CTNNA3: variants seen among roughly 807,000 people sequenced by gnomAD.
CTNNA3 encodes catenin alpha 3.
Under a neutral mutation model 95.7 loss-of-function variants are expected in CTNNA3, and 76 were observed. That is an observed-to-expected ratio of 0.79 (90% CI 0.66 to 0.96). The LOEUF (loss-of-function observed/expected upper bound fraction) is 0.96, where lower values mean the gene tolerates loss of function less well. CTNNA3 is among the 40% of genes least tolerant of loss of function. The pLI is 0.00. For missense variants in CTNNA3, 1,191 were observed against 1,089.8 expected (o/e 1.09, Z -1.31); for synonymous variants, 431 against 374.4 (o/e 1.15, Z -1.74).
chr10:66,146,220 T>A (rs1015159834), intron 13 of CTNNA3, among the ~76,000 whole-genome samples: 1 of 152,164 alleles, frequency 6.6e-6, no homozygotes, highest in Non-Finnish European at 1.5e-5. Flanking sequence ...AAATTCAAAA[T>A]ACTGGCCCTT....
At chr10:66,402,807 T>C (rs1359096930) in intron 11 of CTNNA3, among the ~76,000 whole-genome samples, 1 of 152,126 alleles carries the variant, frequency 6.6e-6, no homozygotes, top group African/African-American at 2.4e-5. Flanking sequence ...TGTCACTGAG[T>C]TGTCTTTCAG....
chr10:66,461,585 A>T (rs1208964501), intron 11 of CTNNA3, among the ~76,000 whole-genome samples: 1 of 151,454 alleles, frequency 6.6e-6, no homozygotes, highest in Non-Finnish European at 1.5e-5. Flanking sequence ...TTCTTAAGGG[A>T]TTATTAGGTG....
intron 15 of CTNNA3, among the ~76,000 whole-genome samples, chr10:66,064,255 G>T (rs10996872): frequency 0.61 from 93,287 of 151,882 alleles, 28,687 homozygotes; most frequent in East Asian, 0.71. Flanking sequence ...GGAAACTGAC[G>T]CCATGATTCA....
chr10:66,546,312 T>C (rs1271034518), intron 10 of CTNNA3, among the ~76,000 whole-genome samples: 1 of 152,162 alleles, frequency 6.6e-6, no homozygotes, highest in East Asian at 1.9e-4. Flanking sequence ...TGCATGTAAT[T>C]GTCACAGCAT....
chr10:65,920,068 T>C lies in CTNNA3; in HGVS notation c.*262A>G, dbSNP rs74442277. The C allele has an allele frequency of 7.7e-4, 370 of 479,926 alleles. 3 individuals are homozygous for C. In the East Asian group the frequency reaches 0.014, roughly 18 times the overall value. 29.7% of individuals were successfully genotyped at this position (479,926 alleles called of 1,614,324 possible). ...AACGAATAGTAGATAATCTCTATGA[T>C]GGGAAACGCTGAATGACACGTGATA... On this transcript the variant is annotated 3_prime_UTR_variant, in exon 18 of 18. Transcript: ENST00000433211.
At chr10:66,048,604 CA>C (rs1032496079) in intron 15 of CTNNA3, among the ~76,000 whole-genome samples, 35 of 151,838 alleles carry the variant, frequency 2.3e-4, no homozygotes, top group Non-Finnish European at 4.6e-4. Context: ...ACTAAAAATA[CA>C]AAAAAATTAG....
In CTNNA3 at chr10:67,546,076, A is replaced by G. The variant is rs565216943; in HGVS notation, c.293-6407T>C. ...AAACATCTCTTCAGAATTTCAAAGA[A>G]AAATGAAATTTTTTAATTTTCAAAA... is the stretch of plus-strand genomic sequence containing the variant. On this transcript the variant is annotated intron_variant, in intron 3 of 17. Transcript: ENST00000433211. 2.0e-5 allele frequency among the ~76,000 whole-genome samples: 3 copies of G among 152,312 alleles called. No homozygotes were observed. In the East Asian group the frequency reaches 5.8e-4, roughly 29 times the overall value.
intron 7 of CTNNA3, among the ~76,000 whole-genome samples, chr10:66,785,919 G>C (rs143011943): frequency 0.01 from 1,577 of 152,176 alleles, 30 homozygotes; most frequent in African/African-American, 0.035. Context: ...ATTGTTCCAT[G>C]TTTTCAGGTG....
chr10:66,579,563 C>A (rs1467241982), intron 10 of CTNNA3, among the ~76,000 whole-genome samples: 1 of 151,652 alleles, frequency 6.6e-6, no homozygotes, highest in East Asian at 1.9e-4. Context: ...TGTTTTTATC[C>A]ATAGCAAAGC....
intron 12 of CTNNA3, among the ~76,000 whole-genome samples, chr10:66,375,407 C>A (rs2092789046): frequency 6.6e-6 from 1 of 151,988 alleles, no homozygotes; most frequent in Non-Finnish European, 1.5e-5. Context: ...TAAGCTCCAG[C>A]CAATTCCCGT....
At chr10:66,098,178 T>C (rs1480891868) in intron 14 of CTNNA3, 1 of 152,178 alleles carries the variant, frequency 6.6e-6, no homozygotes, top group African/African-American at 2.4e-5. Context: ...TGGTCTTCAG[T>C]TTAACAAACC....
At chr10:66,591,848 A>G (rs1843562349) in intron 10 of CTNNA3, among the ~76,000 whole-genome samples, 1 of 152,090 alleles carries the variant, frequency 6.6e-6, no homozygotes, top group Non-Finnish European at 1.5e-5. Context: ...CAGGAAAAAA[A>G]TCTTTTTCTT....
chr10:67,627,517 T>TA (rs140050503), intron 2 of CTNNA3, among the ~76,000 whole-genome samples: 2,841 of 151,854 alleles, frequency 0.019, 94 homozygotes, highest in African/African-American at 0.065. Context: ...ATATAACTGT[T>TA]AAAAAATATT....
At chr10:67,548,690 T>G (rs1194369376) in intron 3 of CTNNA3, among the ~76,000 whole-genome samples, 2 of 152,060 alleles carry the variant, frequency 1.3e-5, no homozygotes, top group African/African-American at 4.8e-5. Flanking sequence ...CTTTATAATC[T>G]TGAGTTAGGC....
chr10:66,766,170 CAA>C lies in CTNNA3; in HGVS notation c.1281+92_1281+93del. On this transcript the variant is annotated intron_variant, in intron 9 of 17. Coordinates refer to ENST00000433211, the MANE Select transcript of CTNNA3 (RefSeq NM_013266.4). Reference sequence around the variant, plus strand: ...CTCTGCTGTATTTGTAACACGGTGTCAAAAGTTTTTATTTAGGTACAATTCAA... The same window carrying C: ...CTCTGCTGTATTTGTAACACGGTGTCAAGTTTTTATTTAGGTACAATTCAA... The C allele has an allele frequency of 2.3e-6, 3 of 1,324,198 alleles. No individual in the cohort carries two copies. The East Asian group carries it at 6.9e-5, about 31-fold the overall frequency. 82.0% of individuals were successfully genotyped at this position (1,324,198 alleles called of 1,614,324 possible). A position where few individuals can be genotyped will look rare whatever the true frequency, so the allele number is the denominator to read the frequency against.
At chr10:67,389,712 T>A (rs1844371556) in intron 5 of CTNNA3, among the ~76,000 whole-genome samples, 1 of 149,412 alleles carries the variant, frequency 6.7e-6, no homozygotes, top group Admixed American at 6.7e-5. Context: ...AAACTATCTC[T>A]CAGACCACAG....
At chr10:66,156,049 T>C (rs1167522522) in intron 13 of CTNNA3, among the ~76,000 whole-genome samples, 1 of 151,934 alleles carries the variant, frequency 6.6e-6, no homozygotes, top group Non-Finnish European at 1.5e-5. Context: ...GTTATCAAAT[T>C]AAAGTCATGC....
chr10:66,679,963 G>C (rs1237235849), intron 9 of CTNNA3, among the ~76,000 whole-genome samples: 3 of 152,138 alleles, frequency 2.0e-5, no homozygotes, highest in Admixed American at 6.5e-5. Flanking sequence ...TCTCCTGAAG[G>C]TCCTCATAAG....
intron 5 of CTNNA3, among the ~76,000 whole-genome samples, chr10:67,409,066 A>AT (rs2132832044): frequency 6.6e-6 from 1 of 152,264 alleles, no homozygotes; most frequent in African/African-American, 2.4e-5. Context: ...AATGGCAACT[A>AT]TTAAAAAGTC....
Sources: gnomAD v4.1 joint callset for allele counts (sites outside exome capture counted in the v4.1 genomes callset) on GRCh38, gnomAD v4.1.1 for gene constraint, MANE v1.5 for transcripts, NCBI Gene and HGNC (gene_info 2026-07-23, HGNC 2026-07-21) for gene names.